Variants in CENPP observed in about 807,000 individuals in gnomAD.
CENPP encodes the protein centromere protein P.
In CENPP, 24 loss-of-function variants were observed where a neutral mutation model predicts 35.6. The observed-to-expected ratio is 0.67, with a 90% CI of 0.49 to 0.95. The LOEUF is 0.95. Ranked by LOEUF, CENPP falls within the 40% of genes least tolerant of loss-of-function variation. CENPP has a pLI of 0.00. For synonymous variants in CENPP, 120 were observed against 125.5 expected (o/e 0.96, Z 0.29); for missense variants, 332 against 345.3 (o/e 0.96, Z 0.31).
chr9:92,338,600 C>G (rs1276789959), intron 3 of CENPP, among the ~76,000 whole-genome samples: 1 of 152,082 alleles, frequency 6.6e-6, no homozygotes, highest in Non-Finnish European at 1.5e-5. Context: ...ATCCAACCAT[C>G]TGCATCTGTA....
intron 5 of CENPP, chr9:92,466,321 A>T (rs187543149): frequency 1.5e-6 from 2 of 1,314,974 alleles, no homozygotes; most frequent in Non-Finnish European, 2.2e-6. Flanking sequence ...CTTGTTTGTT[A>T]TAATTTCAAG....
At chr9:92,416,552 A>ATTT in intron 5 of CENPP, 1 of 1,034,016 alleles carries the variant, frequency 9.7e-7, no homozygotes, top group Non-Finnish European at 1.4e-6. Context: ...CTTATTGAAT[A>ATTT]TTTTTTTCTT....
intron 5 of CENPP, chr9:92,474,754 ATC>A (rs774762901): frequency 5.6e-6 from 9 of 1,606,786 alleles, no homozygotes; most frequent in Non-Finnish European, 7.7e-6. Context: ...CATCATCATC[ATC>A]ATCATCATCA....
rs1267870454 is a variant in CENPP at position 92,374,883 on chromosome 9, A to G, written c.468-4880A>G. 2.0e-5 allele frequency among the ~76,000 whole-genome samples: 3 copies of G among 152,206 alleles called. No individual in the cohort carries two copies. The East Asian group carries it at 5.8e-4, about 29-fold the overall frequency. On this transcript the variant is annotated intron_variant, in intron 4 of 7. Transcript: ENST00000375587. ...GAGCATTTTTTTGTAGGTCAAGTCT[A>G]CAAGTAACAGACCTCAGCTTTCTTG...
intron 5 of CENPP, chr9:92,385,636 A>AT: frequency 1.2e-6 from 2 of 1,614,096 alleles, no homozygotes; most frequent in Middle Eastern, 3.3e-4. Flanking sequence ...GTATGACCCT[A>AT]TCGGTAATCT....
At chr9:92,510,245 T>C (rs1197124837) in intron 5 of CENPP, among the ~76,000 whole-genome samples, 5 of 152,248 alleles carry the variant, frequency 3.3e-5, no homozygotes, top group Non-Finnish European at 7.3e-5. Context: ...TTCAGCAGAC[T>C]ACATTTGATT....
chr9:92,347,482 G>A (rs1262974547), intron 4 of CENPP, among the ~76,000 whole-genome samples: 4 of 152,198 alleles, frequency 2.6e-5, no homozygotes, highest in Non-Finnish European at 5.9e-5. Flanking sequence ...AGAAGACCTG[G>A]ATTTTATTCC....
chr9:92,619,392 A>C lies in CENPP; in HGVS notation c.*6243A>C. Reference sequence around the variant, plus strand: ...ATGTCACTCCGCCATGGAGTCTCTAAATATGGGGAAACCAACTATCCTATT... The same window carrying C: ...ATGTCACTCCGCCATGGAGTCTCTACATATGGGGAAACCAACTATCCTATT... On this transcript the variant is annotated 3_prime_UTR_variant, in exon 8 of 8. Transcript: ENST00000375587. The C allele has an allele frequency of 9.7e-7, 1 of 1,027,490 alleles. No individual in the cohort carries two copies. The highest frequency in any genetic ancestry group is 1.5e-6 in the Non-Finnish European group (1 of 675,668). 63.6% of individuals were successfully genotyped at this position (1,027,490 alleles called of 1,614,324 possible).
intron 5 of CENPP, among the ~76,000 whole-genome samples, chr9:92,575,731 G>T (rs1285969478): frequency 2.0e-5 from 3 of 151,994 alleles, no homozygotes; most frequent in African/African-American, 7.3e-5. Flanking sequence ...AGAATTGCGT[G>T]AACCTGGGAG....
At position 92,416,352 on chromosome 9, in the gene CENPP, G is replaced by A. The variant is rs375213331; in HGVS notation, c.564+36493G>A. On this transcript the variant is annotated intron_variant, in intron 5 of 7. Transcript: ENST00000375587. ...TGGCCTCAAGTGATCCACCCCACCCGCCTTAGCCTCCCAAAGTGCTCTGAT... is the reference window on the plus strand; with the variant it reads ...TGGCCTCAAGTGATCCACCCCACCCACCTTAGCCTCCCAAAGTGCTCTGAT... Among the ~76,000 whole-genome samples, 41 of 151,818 alleles carry A rather than the reference G, an allele frequency of 2.7e-4. 1 individual carries two copies. The highest frequency in any genetic ancestry group is 9.7e-4 in the East Asian group (5 of 5,158).
At chr9:92,334,741 A>G (rs1372656541) in intron 2 of CENPP, among the ~76,000 whole-genome samples, 4 of 151,932 alleles carry the variant, frequency 2.6e-5, no homozygotes, top group Admixed American at 6.5e-5. Context: ...TTAGCTAGGC[A>G]TGGTGGAGTG....
intron 5 of CENPP, among the ~76,000 whole-genome samples, chr9:92,600,795 C>T (rs1850893019): frequency 6.6e-6 from 1 of 152,194 alleles, no homozygotes; most frequent in South Asian, 2.1e-4. Context: ...TTTTTTAACT[C>T]CCTGTGGACA....
At chr9:92,486,069 G>GT (rs1454347641) in intron 5 of CENPP, among the ~76,000 whole-genome samples, 3 of 152,194 alleles carry the variant, frequency 2.0e-5, no homozygotes, top group Non-Finnish European at 4.4e-5. Context: ...AACAAATAGT[G>GT]TAAGTGCTAT....
chr9:92,435,554 G>C (rs1173260913), intron 5 of CENPP, among the ~76,000 whole-genome samples: 5 of 152,078 alleles, frequency 3.3e-5, no homozygotes, highest in African/African-American at 1.2e-4. Flanking sequence ...CCTTTTATAG[G>C]TACATAAATC....
chr9:92,368,940 A>C (rs1321011214), intron 4 of CENPP, among the ~76,000 whole-genome samples: 1 of 152,160 alleles, frequency 6.6e-6, no homozygotes, highest in Non-Finnish European at 1.5e-5. Context: ...GCTGCTCAGG[A>C]GACTGACATG....
intron 4 of CENPP, among the ~76,000 whole-genome samples, chr9:92,349,497 T>C (rs899129709): frequency 4.0e-5 from 6 of 151,588 alleles, no homozygotes; most frequent in Admixed American, 4.0e-4. Context: ...TCTGACTCCC[T>C]GGTTCAAGTG....
chr9:92,416,952 G>A, intron 5 of CENPP: 1 of 1,613,934 alleles, frequency 6.2e-7, no homozygotes, highest in South Asian at 1.1e-5. Context: ...TTGTCTTTTA[G>A]CAGAGAATCA....
intron 5 of CENPP, among the ~76,000 whole-genome samples, chr9:92,491,226 A>G (rs1846163983): frequency 6.6e-6 from 1 of 152,208 alleles, no homozygotes; most frequent in Middle Eastern, 3.2e-3. Flanking sequence ...GACCTAACTA[A>G]TAACACTAAA....
At chr9:92,364,861 A>C (rs1443425201) in intron 4 of CENPP, among the ~76,000 whole-genome samples, 1 of 152,176 alleles carries the variant, frequency 6.6e-6, no homozygotes, top group Non-Finnish European at 1.5e-5. Context: ...GGGGAGAGGG[A>C]GGGATAGTAT....
Sources: gnomAD v4.1 joint callset for allele counts (sites outside exome capture counted in the v4.1 genomes callset) on GRCh38, gnomAD v4.1.1 for gene constraint, MANE v1.5 for transcripts, NCBI Gene and HGNC (gene_info 2026-07-23, HGNC 2026-07-21) for gene names.